The following L1CAM variants were observed in gnomAD, a reference collection of about 807,000 sequenced individuals.
The protein encoded by L1CAM is L1 cell adhesion molecule.
L1CAM carries 8 observed loss-of-function variants against 93.0 expected under a neutral mutation model. That is an observed-to-expected ratio of 0.09 (90% CI 0.05 to 0.16). L1CAM has a LOEUF of 0.16. Among genes scored for constraint, L1CAM ranks in the 10% least tolerant of loss-of-function variants. The pLI, the probability that L1CAM is intolerant of heterozygous loss-of-function variation, is 1.00. For missense variants in L1CAM, 777 were observed against 1,073.4 expected (o/e 0.72, Z 3.86); for synonymous variants, 453 against 453.0 (o/e 1.00, Z 0.00).
rs398123363 is a variant in L1CAM at position 153,865,079 on chromosome X, C to T, written c.2872+9G>A. The stretch of plus-strand genomic sequence containing the variant: ...CCACCTCCCTTCCCTGCTGGGGCGG[C>T]GCACGCACGGGGGTGGTAGGAGAGC... On this transcript the variant is annotated intron_variant, in intron 22 of 28. Coordinates refer to ENST00000370060, the MANE Select transcript of L1CAM (RefSeq NM_001278116.2). The T allele has an allele frequency of 4.5e-5, 54 of 1,209,949 alleles. No homozygotes were observed. Among genetic ancestry groups the T allele is most frequent in the Non-Finnish European group, 5.8e-5 (52 of 895,133 alleles).
rs781815222 is a variant in L1CAM at position 153,880,645 on chromosome X, C to T, written c.-108-4701G>A. On this transcript the variant is annotated intron_variant, in intron 1 of 28. Transcript: ENST00000370060. ...GTGCACTGTGTCCCTTTAAGGCTCC[C>T]GCTGGCCCTCCCCGCCCCGCTCCCC... The T allele has an allele frequency of 6.2e-5, 21 of 339,995 alleles. No homozygotes were observed. In the East Asian group the frequency reaches 1.7e-3, roughly 27 times the overall value. The allele number at this position is 339,995 out of a possible 1,213,427, so 28.0% of individuals were successfully genotyped here.
intron 1 of L1CAM, chrX:153,884,007 A>G (rs1557096339): frequency 8.6e-6 from 3 of 348,721 alleles, no homozygotes; most frequent in South Asian, 7.7e-5. Context: ...CGGACCTGGG[A>G]GAGGCCGATT....
At chrX:153,863,595 C>T in intron 26 of L1CAM, 46 bp from the exon 27 acceptor site, 1 of 1,110,103 alleles carries the variant, frequency 9.0e-7, no homozygotes, top group Non-Finnish European at 1.2e-6. Context: ...CCCAGCCTGA[C>T]CCGGGGCTCC....
chrX:153,881,064 C>T (rs2064842423), intron 1 of L1CAM, among the ~76,000 whole-genome samples: 1 of 112,372 alleles, frequency 8.9e-6, no homozygotes, highest in Non-Finnish European at 1.9e-5. Flanking sequence ...AGCCCCACTC[C>T]ATCCCCACAA....
At chrX:153,873,446 G>C (rs1195347784) in intron 2 of L1CAM, among the ~76,000 whole-genome samples, 1 of 112,254 alleles carries the variant, frequency 8.9e-6, no homozygotes, top group African/African-American at 3.2e-5. Flanking sequence ...AGGGAGATGG[G>C]ACAGAGAGAT....
In L1CAM at chrX:153,870,959, C is replaced by G; in HGVS notation, c.525G>C (p.Lys175Asn). Reference protein sequence around the residue: ...EPLRIYWMNSKILHIKQDERV... With the variant: ...EPLRIYWMNSNILHIKQDERV... ...GCTCGTCCTGCTTGATGTGCAAGAT[C>G]TCTGCAGGGGGCAAGGAGGCCGAAG... The change falls in exon 7 of 29, where the codon AAG becomes AAC. Residue 175 changes from lysine to asparagine, a missense_variant and splice_region_variant. This residue lies in a region of L1CAM where 574 missense variants were observed against 781.0 expected (regional missense o/e 0.73). Coordinates refer to ENST00000370060, the MANE Select transcript of L1CAM (RefSeq NM_001278116.2). 8.3e-7 allele frequency: 1 copy of G among 1,211,286 alleles called. No individual in the cohort carries two copies. Among genetic ancestry groups the G allele is most frequent in the Non-Finnish European group, 1.1e-6 (1 of 895,415 alleles).
chrX:153,867,395 G>A lies in L1CAM; in HGVS notation c.2098C>T (p.Pro700Ser), dbSNP rs1202515053. Residue 700 changes from proline (P) to serine (S), a missense_variant, in exon 17 of 29, where the codon CCC becomes TCC. Around this residue, in one of 5 missense-constraint regions of L1CAM, gnomAD observed 574 missense variants for 781.0 expected, o/e 0.73. Coordinates refer to ENST00000370060, the MANE Select transcript of L1CAM (RefSeq NM_001278116.2). ...TAINKYGPGE[P>S]SPVSETVVTP... ...ACCACAGTCTCAGAGACCGGGCTGGGCTCCCCGGGGCCATATTTGTTTATG... is the reference window on the plus strand; with the variant it reads ...ACCACAGTCTCAGAGACCGGGCTGGACTCCCCGGGGCCATATTTGTTTATG... 2.5e-6 allele frequency: 3 copies of A among 1,208,328 alleles called. No homozygotes were observed. The highest frequency in any genetic ancestry group is 3.5e-5 in the African/African-American group (2 of 56,988).
chrX:153,870,586 C>A (rs960901650), intron 7 of L1CAM, 87 bp from the exon 8 acceptor site: 1 of 850,034 alleles, frequency 1.2e-6, no homozygotes, highest in Non-Finnish European at 1.7e-6. Flanking sequence ...CTCCAGCCAG[C>A]CCCCGGGGCC....
rs369322647 is a variant in L1CAM, at chrX:153,872,265, G to C, written c.287C>G (p.Thr96Ser). Residue 96 changes from threonine to serine, a missense_variant, in exon 5 of 29, where the codon ACC becomes AGC. Around this residue, in one of 5 missense-constraint regions of L1CAM, gnomAD observed 574 missense variants for 781.0 expected, o/e 0.73. Coordinates refer to ENST00000370060, the MANE Select transcript of L1CAM (RefSeq NM_001278116.2). ...AAAGTTGCTGTTGTTGCCCGTGATG[G>C]TGAAGGAGCCAGAGTGGGGCGACTG... ...VYQSPHSGSFTITGNNSNFAQ... is the reference protein window; with the variant it reads ...VYQSPHSGSFSITGNNSNFAQ... 8.3e-7 allele frequency: 1 copy of C among 1,205,132 alleles called. No individual in the cohort carries two copies. Among genetic ancestry groups the C allele is most frequent in the Non-Finnish European group, 1.1e-6 (1 of 893,408 alleles).
chrX:153,869,208 G>A, intron 11 of L1CAM: 1 of 449,780 alleles, frequency 2.2e-6, no homozygotes, highest in Middle Eastern at 6.1e-4. Context: ...CCTCTCCCCA[G>A]AAGCCTTCCT....
rs2064747978 is a variant in L1CAM at position 153,869,589 on chromosome X, T to C, written c.1198A>G (p.Met400Val). 1.7e-6 allele frequency: 2 copies of C among 1,209,900 alleles called. No individual in the cohort carries two copies. Among genetic ancestry groups the C allele is most frequent in the East Asian group, 5.9e-5 (2 of 33,839 alleles). Residue 400 changes from methionine to valine, a missense_variant, in exon 11 of 29, where the codon ATG becomes GTG. By Grantham distance (21) the Met-to-Val change is conservative. This residue lies in a region of L1CAM where 574 missense variants were observed against 781.0 expected (regional missense o/e 0.73). Coordinates refer to ENST00000370060, the MANE Select transcript of L1CAM (RefSeq NM_001278116.2). ...TTGCGGGCCTCACATTGGGTCACCA[T>C]TGTGTCACTGGGCTGCACGTTGCTC... ...ILSNVQPSDT[M>V]VTQCEARNRH...
At chrX:153,865,551 C>T (rs1368422656) in intron 20 of L1CAM, 51 bp from the exon 21 acceptor site, 1 of 1,108,682 alleles carries the variant, frequency 9.0e-7, no homozygotes, top group Non-Finnish European at 1.2e-6. Context: ...CCCAGCAGGG[C>T]CCCCAGCGCA....
At chrX:153,878,307 G>A (rs2148503987) in intron 1 of L1CAM, among the ~76,000 whole-genome samples, 1 of 113,183 alleles carries the variant, frequency 8.8e-6, no homozygotes, top group South Asian at 3.6e-4. Context: ...GACCCAAGAA[G>A]AGCTGTGAAT....
chrX:153,864,303 C>T lies in L1CAM; in HGVS notation c.3322+19G>A, dbSNP rs375076231. On this transcript the variant is annotated intron_variant, in intron 25 of 28. Coordinates refer to ENST00000370060, the MANE Select transcript of L1CAM (RefSeq NM_001278116.2). ...CCCATGCTTCCCTGGCAGGTGATGG[C>T]GGGCCCCCGGCGCCTCACCTGTGCC... is the stretch of plus-strand genomic sequence containing the variant. 1.6e-5 allele frequency: 19 copies of T among 1,205,574 alleles called. No individual in the cohort carries two copies. The highest frequency in any genetic ancestry group is 2.5e-4 in the Middle Eastern group (1 of 3,953).
chrX:153,877,365 G>C (rs1466662313), intron 1 of L1CAM, among the ~76,000 whole-genome samples: 1 of 108,118 alleles, frequency 9.2e-6, no homozygotes, highest in Non-Finnish European at 1.9e-5. Flanking sequence ...AGGAGGCTGA[G>C]GCAGGAGAAT....
chrX:153,875,696 A>C, intron 2 of L1CAM, 65 bp downstream of exon 2: 1 of 954,282 alleles, frequency 1.0e-6, no homozygotes, highest in Non-Finnish European at 1.5e-6. Context: ...GTGAGGAGGT[A>C]GAAGATAAAG....
rs369046420 is a variant in L1CAM at position 153,866,737 on chromosome X, G to A, written c.2343C>T (p.Phe781=). 3.3e-6 allele frequency: 4 copies of A among 1,211,193 alleles called. No individual in the cohort carries two copies. The highest frequency in any genetic ancestry group is 3.0e-5 in the East Asian group (1 of 33,832). Residue 781 remains phenylalanine, a synonymous_variant, in exon 19 of 29, where the codon TTC becomes TTT. Transcript: ENST00000370060. ...CCTGGACTTTGATCTCATAGGGCAC[G>A]AAGGTGGACGTGTTGGACACCACCA... is the stretch of plus-strand genomic sequence containing the variant. ...PFLVVSNTST[F]VPYEIKVQAV...
intron 1 of L1CAM, among the ~76,000 whole-genome samples, chrX:153,877,235 A>C (rs2064819418): frequency 1.1e-5 from 1 of 90,156 alleles, no homozygotes; most frequent in Non-Finnish European, 2.1e-5. Context: ...TGAGGTCAGC[A>C]GTTTGAGACC....
chrX:153,875,911 G>A lies in L1CAM; in HGVS notation c.-75C>T, dbSNP rs782329646. 3.3e-6 allele frequency: 3 copies of A among 919,132 alleles called. No homozygotes were observed. Among genetic ancestry groups the A allele is most frequent in the South Asian group, 2.0e-5 (1 of 48,976 alleles). 75.7% of individuals were successfully genotyped at this position (919,132 alleles called of 1,213,427 possible). On this transcript the variant is annotated 5_prime_UTR_variant, in exon 2 of 29. Transcript: ENST00000370060. ...CCGGCCGGAGGGGAAGGGGGCTGGT[G>A]GGCGGCTTGGGGCGGGAGTTGGGAG...
Sources: allele counts gnomAD v4.1 joint callset (sites outside exome capture counted in the v4.1 genomes callset), GRCh38; gene constraint gnomAD v4.1.1; regional missense constraint gnomAD v4.1.1; transcripts MANE v1.5; gene names NCBI Gene and HGNC (gene_info 2026-07-23, HGNC 2026-07-21).